The following BMERB1 variants were observed in gnomAD, a reference collection of about 807,000 sequenced individuals.
BMERB1 encodes the protein bMERB domain-containing protein 1.
BMERB1 carries 12 observed loss-of-function variants against 23.6 expected under a neutral mutation model. The observed-to-expected ratio is 0.51, with a 90% CI of 0.33 to 0.82. BMERB1 has a LOEUF of 0.82. BMERB1 is among the 40% of genes least tolerant of loss of function. The pLI, the probability that BMERB1 is intolerant of heterozygous loss-of-function variation, is 0.03. For synonymous variants in BMERB1, 122 were observed against 96.6 expected (o/e 1.26, Z -1.54); for missense variants, 247 against 255.4 (o/e 0.97, Z 0.22).
chr16:15,486,513 A>G (rs1250072718), intron 1 of BMERB1, among the ~76,000 whole-genome samples: 1 of 152,146 alleles, frequency 6.6e-6, no homozygotes, highest in Non-Finnish European at 1.5e-5. Flanking sequence ...TAATCTCAGC[A>G]CCAAAAGCTC....
chr16:15,573,179 G>A (rs2030774141), intron 3 of BMERB1, among the ~76,000 whole-genome samples: 1 of 152,156 alleles, frequency 6.6e-6, no homozygotes, highest in Non-Finnish European at 1.5e-5. Flanking sequence ...TATTTGCAAG[G>A]CTCCAAGCCA....
intron 3 of BMERB1, among the ~76,000 whole-genome samples, chr16:15,571,067 C>G (rs1352634221): frequency 1.3e-5 from 2 of 152,104 alleles, no homozygotes; most frequent in African/African-American, 4.8e-5. Context: ...GTGCCGACCT[C>G]CTATCTCATC....
chr16:15,533,617 CAG>C (rs1026840051), intron 2 of BMERB1, among the ~76,000 whole-genome samples: 30 of 152,144 alleles, frequency 2.0e-4, no homozygotes, highest in African/African-American at 7.2e-4. Flanking sequence ...CTGGGCCAAT[CAG>C]AGTCTTTCTC....
At position 15,434,748 on chromosome 16, in the gene BMERB1, G is replaced by C. The variant is rs2050872057; in HGVS notation, c.95G>C (p.Arg32Thr). 2 of 835,718 alleles carry C rather than the reference G, an allele frequency of 2.4e-6. No homozygotes were observed. The highest frequency in any genetic ancestry group is 5.1e-5 in the East Asian group (1 of 19,536). The allele number at this position is 835,718 out of a possible 1,614,324, so 51.8% of individuals were successfully genotyped here. The change falls in exon 1 of 6, where the codon AGA becomes ACA. Residue 32 changes from arginine to threonine, a missense_variant. Physicochemically the swap from Arg to Thr is moderately conservative, Grantham distance 71. Transcript: ENST00000300006. The part of the protein sequence containing the change: ...AVEETAWKTE[R>T]LGRNQLDIIS... ...GAGGAGACGGCTTGGAAAACGGAGA[G>C]ACTGGGGAGAAGTGAGTACTGGGGC...
chr16:15,587,004 G>A lies in BMERB1; in HGVS notation c.*175G>A, dbSNP rs983811929. 6.8e-6 allele frequency: 4 copies of A among 584,194 alleles called. No homozygotes were observed. The highest frequency in any genetic ancestry group is 3.8e-5 in the African/African-American group (2 of 53,282). The allele number at this position is 584,194 out of a possible 1,614,324, so 36.2% of individuals were successfully genotyped here. A position where few individuals can be genotyped will look rare whatever the true frequency, so the allele number is the denominator to read the frequency against. Reference sequence around the variant, plus strand: ...CGGGCCTGGCCACCCTGTACAGAGTGTAGCAGTAGGGAGTCTCTCACCGTC... The same window carrying A: ...CGGGCCTGGCCACCCTGTACAGAGTATAGCAGTAGGGAGTCTCTCACCGTC... On this transcript the variant is annotated 3_prime_UTR_variant, in exon 6 of 6. Coordinates refer to ENST00000300006, the MANE Select transcript of BMERB1 (RefSeq NM_033201.3).
At chr16:15,471,769 G>C (rs1010222342) in intron 1 of BMERB1, among the ~76,000 whole-genome samples, 1 of 151,984 alleles carries the variant, frequency 6.6e-6, no homozygotes, top group Non-Finnish European at 1.5e-5. Flanking sequence ...GTAGAGATGG[G>C]GTCTTGCTAT....
At chr16:15,498,221 G>T (rs1218531108) in intron 1 of BMERB1, among the ~76,000 whole-genome samples, 1 of 151,782 alleles carries the variant, frequency 6.6e-6, no homozygotes, top group Admixed American at 6.6e-5. Context: ...TCATACCTGT[G>T]CCCTGGGAGC....
intron 2 of BMERB1, among the ~76,000 whole-genome samples, chr16:15,560,952 C>CTTTTTTTTTTTTTTTTTTTT (rs1166759122): frequency 1.9e-5 from 2 of 106,656 alleles, no homozygotes; most frequent in African/African-American, 4.1e-5. Flanking sequence ...TTCTCTGCTG[C>CTTTTTTTTTTTTTTTTTTTT]TTTTTTTTTT....
rs1036290957 is a variant in BMERB1, at chr16:15,450,338, A to G, written c.106+15579A>G. 8.5e-5 allele frequency among the ~76,000 whole-genome samples: 13 copies of G among 152,208 alleles called. No homozygotes were observed. The East Asian group carries it at 2.3e-3, about 27-fold the overall frequency. On this transcript the variant is annotated intron_variant, in intron 1 of 5. Coordinates refer to ENST00000300006, the MANE Select transcript of BMERB1 (RefSeq NM_033201.3). ...TAGAGGTCATCTCAAAAAAGAAAAA[A>G]AAGGAAAAGAAAATGTAGAAGTCAT... is the stretch of plus-strand genomic sequence containing the variant.
intron 5 of BMERB1, among the ~76,000 whole-genome samples, chr16:15,584,923 TG>T (rs1404957791): frequency 6.6e-6 from 1 of 152,116 alleles, no homozygotes; most frequent in Non-Finnish European, 1.5e-5. Context: ...ACCAAGAGGC[TG>T]GGGGTACTGG....
chr16:15,528,359 C>T (rs2051929769), intron 2 of BMERB1, among the ~76,000 whole-genome samples: 1 of 152,084 alleles, frequency 6.6e-6, no homozygotes, highest in South Asian at 2.1e-4. Context: ...TGCACTGATC[C>T]CACCTCCTAA....
At chr16:15,469,588 T>C (rs2051212166) in intron 1 of BMERB1, among the ~76,000 whole-genome samples, 1 of 152,214 alleles carries the variant, frequency 6.6e-6, no homozygotes, top group African/African-American at 2.4e-5. Context: ...GTAACTGATA[T>C]CTTTACTATG....
intron 1 of BMERB1, among the ~76,000 whole-genome samples, chr16:15,468,135 CTTTTTTTT>C (rs749534588): frequency 4.5e-4 from 14 of 31,046 alleles, no homozygotes; most frequent in South Asian, 3.7e-3. Flanking sequence ...CTTTCTTCTT[CTTTTTTTT>C]TTTTTTTTTT....
chr16:15,506,394 C>T (rs1264631642), intron 1 of BMERB1, among the ~76,000 whole-genome samples: 3 of 152,070 alleles, frequency 2.0e-5, no homozygotes, highest in Admixed American at 2.0e-4. Context: ...CCAAGATGGT[C>T]TCTATCTGAC....
intron 2 of BMERB1, among the ~76,000 whole-genome samples, chr16:15,532,239 TG>T (rs2051974777): frequency 6.7e-6 from 1 of 150,074 alleles, no homozygotes; most frequent in Non-Finnish European, 1.5e-5. Flanking sequence ...TTGTTTTTTT[TG>T]TTTTTTTTTG....
intron 2 of BMERB1, among the ~76,000 whole-genome samples, chr16:15,550,484 C>T (rs1263233346): frequency 6.6e-6 from 1 of 152,000 alleles, no homozygotes; most frequent in African/African-American, 2.4e-5. Flanking sequence ...AGGTGCCCAC[C>T]ACCATGCCTG....
rs189642285 is a variant in BMERB1, at chr16:15,438,616, C to A, written c.106+3857C>A. Among the ~76,000 whole-genome samples, 555 of 152,078 alleles carry A rather than the reference C, an allele frequency of 3.6e-3. 4 individuals are homozygous for A. The highest frequency in any genetic ancestry group is 5.6e-3 in the Non-Finnish European group (380 of 67,994). The stretch of plus-strand genomic sequence containing the variant: ...CTGGGATTACAGGCATGCACCACCA[C>A]GTCCGGCTAATTTTTGTATTTTTAC... On this transcript the variant is annotated intron_variant, in intron 1 of 5. Coordinates refer to ENST00000300006, the MANE Select transcript of BMERB1 (RefSeq NM_033201.3).
At chr16:15,447,538 G>C (rs2051000532) in intron 1 of BMERB1, among the ~76,000 whole-genome samples, 1 of 152,160 alleles carries the variant, frequency 6.6e-6, no homozygotes, top group African/African-American at 2.4e-5. Context: ...TAATTAAGAA[G>C]ATTCAATGAA....
chr16:15,584,956 A>G (rs1009253374), intron 5 of BMERB1, among the ~76,000 whole-genome samples: 1 of 152,192 alleles, frequency 6.6e-6, no homozygotes, highest in African/African-American at 2.4e-5. Flanking sequence ...AATGTATAAC[A>G]TGCCCACTCC....
Sources: gnomAD v4.1 joint callset for allele counts (sites outside exome capture counted in the v4.1 genomes callset) on GRCh38, gnomAD v4.1.1 for gene constraint, MANE v1.5 for transcripts, NCBI Gene and HGNC (gene_info 2026-07-23, HGNC 2026-07-21) for gene names.